PAK1: variants seen among roughly 807,000 people sequenced by gnomAD.
The protein encoded by PAK1 is serine/threonine-protein kinase PAK 1.
PAK1 carries 29 observed loss-of-function variants against 67.4 expected under a neutral mutation model. That is an observed-to-expected ratio of 0.43 (90% CI 0.32 to 0.59). The LOEUF (loss-of-function observed/expected upper bound fraction) is 0.59. PAK1 is among the 20% of genes least tolerant of loss of function. The pLI, the probability that PAK1 is intolerant of heterozygous loss-of-function variation, is 0.07. For synonymous variants in PAK1, 223 were observed against 237.4 expected (o/e 0.94, Z 0.56); for missense variants, 337 against 670.7 (o/e 0.50, Z 5.50).
At chr11:77,473,045 G>A (rs1348893953) in intron 1 of PAK1, among the ~76,000 whole-genome samples, 1 of 152,196 alleles carries the variant, frequency 6.6e-6, no homozygotes, top group Non-Finnish European at 1.5e-5. Flanking sequence ...GGGAGGGGCT[G>A]CGTAAGTCAA....
the PAK1 span, among the ~76,000 whole-genome samples, chr11:77,528,309 C>A: frequency 1.3e-5 from 2 of 151,412 alleles, no homozygotes; most frequent in Non-Finnish European, 2.9e-5. Flanking sequence ...AATTTTCCTA[C>A]ATTATCTCCA....
At chr11:77,387,345 T>C (rs1445846898) in intron 2 of PAK1, among the ~76,000 whole-genome samples, 1 of 152,212 alleles carries the variant, frequency 6.6e-6, no homozygotes, top group Admixed American at 6.5e-5. Context: ...ACTTCTGGGG[T>C]TACAGGCGTG....
intron 1 of PAK1, among the ~76,000 whole-genome samples, chr11:77,442,934 G>A (rs145216361): frequency 4.5e-4 from 69 of 152,186 alleles, no homozygotes; most frequent in African/African-American, 1.7e-3. Context: ...CTTAGCCATG[G>A]TTTCCTTATT....
intron 1 of PAK1, among the ~76,000 whole-genome samples, chr11:77,455,686 T>TTAA (rs1957050552): frequency 6.6e-6 from 1 of 152,180 alleles, no homozygotes; most frequent in Non-Finnish European, 1.5e-5. Flanking sequence ...TTTGCCCCTA[T>TTAA]TAATAAGAGC....
intron 2 of PAK1, among the ~76,000 whole-genome samples, chr11:77,383,386 G>A (rs1019121876): frequency 4.0e-5 from 6 of 149,106 alleles, no homozygotes; most frequent in South Asian, 2.1e-4. Flanking sequence ...GTACAATGGC[G>A]TGATCTCAGC....
intron 1 of PAK1, among the ~76,000 whole-genome samples, chr11:77,446,511 C>CAAAAAAA (rs56952838): frequency 9.9e-5 from 6 of 60,626 alleles, no homozygotes; most frequent in East Asian, 4.4e-4. Context: ...GACCCTGTCT[C>CAAAAAAA]AAAAAAAAAA....
At chr11:77,486,891 T>G in the PAK1 span, among the ~76,000 whole-genome samples, 1 of 152,082 alleles carries the variant, frequency 6.6e-6, no homozygotes. Flanking sequence ...CTGCAATTCC[T>G]CGGCAAGTCC....
At chr11:77,479,853 C>T in the PAK1 span, among the ~76,000 whole-genome samples, 3 of 151,900 alleles carry the variant, frequency 2.0e-5, no homozygotes, top group Non-Finnish European at 4.4e-5. Flanking sequence ...AATGATCCAC[C>T]CACCTCAGCC....
intron 13 of PAK1, among the ~76,000 whole-genome samples, chr11:77,334,957 G>T (rs1942409014): frequency 1.3e-5 from 2 of 152,016 alleles, no homozygotes. Flanking sequence ...CTCTACATTG[G>T]CAAATCCAAT....
intron 8 of PAK1, among the ~76,000 whole-genome samples, chr11:77,352,303 G>A (rs1591845436): frequency 6.6e-6 from 1 of 152,048 alleles, no homozygotes; most frequent in Non-Finnish European, 1.5e-5. Context: ...TAAATCAAAT[G>A]AGACAGTATC....
At chr11:77,498,512 C>T in the PAK1 span, among the ~76,000 whole-genome samples, 26 of 152,134 alleles carry the variant, frequency 1.7e-4, no homozygotes, top group East Asian at 4.4e-3. Flanking sequence ...TGCCACGGCC[C>T]ACCTCTCACA....
intron 1 of PAK1, among the ~76,000 whole-genome samples, chr11:77,470,725 C>T (rs997820131): frequency 3.3e-5 from 5 of 152,170 alleles, no homozygotes; most frequent in Admixed American, 3.3e-4. Context: ...CAGGAAGAGA[C>T]AGTTTTAAGT....
chr11:77,468,759 T>G (rs1463333901), intron 1 of PAK1, among the ~76,000 whole-genome samples: 5 of 152,170 alleles, frequency 3.3e-5, no homozygotes, highest in African/African-American at 1.2e-4. Context: ...AAAATTTAGT[T>G]TGATAGAGTT....
At chr11:77,394,654 G>C (rs1372485410) in intron 1 of PAK1, among the ~76,000 whole-genome samples, 1 of 152,068 alleles carries the variant, frequency 6.6e-6, no homozygotes, top group Admixed American at 6.6e-5. Context: ...AGACCATCCT[G>C]GCCAATATGG....
intron 1 of PAK1, among the ~76,000 whole-genome samples, chr11:77,441,817 T>G (rs983290756): frequency 3.9e-5 from 6 of 152,180 alleles, no homozygotes; most frequent in Non-Finnish European, 8.8e-5. Context: ...GATGCACAGT[T>G]TCATCAGCTA....
chr11:77,505,776 T>C, the PAK1 span, among the ~76,000 whole-genome samples: 3 of 152,338 alleles, frequency 2.0e-5, no homozygotes, highest in Non-Finnish European at 4.4e-5. Flanking sequence ...CCATTGTATG[T>C]ATATGTCACA....
At chr11:77,436,752 G>T (rs1956146077) in intron 1 of PAK1, among the ~76,000 whole-genome samples, 1 of 152,184 alleles carries the variant, frequency 6.6e-6, no homozygotes, top group African/African-American at 2.4e-5. Context: ...AACTTCACCA[G>T]CAAACTCCAA....
intron 14 of PAK1, among the ~76,000 whole-genome samples, chr11:77,330,254 T>C (rs866621706): frequency 2.0e-5 from 3 of 152,098 alleles, no homozygotes; most frequent in South Asian, 2.1e-4. Flanking sequence ...AAGCTACCAA[T>C]GACTTTCTTC....
At chr11:77,384,776 G>A (rs1036386589) in intron 2 of PAK1, among the ~76,000 whole-genome samples, 1 of 152,090 alleles carries the variant, frequency 6.6e-6, no homozygotes, top group Non-Finnish European at 1.5e-5. Flanking sequence ...ATGAGTATGA[G>A]GTTTCTTTCT....
Sources: allele counts gnomAD v4.1 joint callset (sites outside exome capture counted in the v4.1 genomes callset), GRCh38; gene constraint gnomAD v4.1.1; transcripts MANE v1.5; gene names NCBI Gene and HGNC (gene_info 2026-07-23, HGNC 2026-07-21).